Variants in RALGPS1 observed in about 807,000 individuals in gnomAD.
The protein encoded by RALGPS1 is Ral GEF with PH domain and SH3 binding motif 1.
In RALGPS1, 19 loss-of-function variants were observed where a neutral mutation model predicts 78.8. The observed-to-expected ratio is 0.24, with a 90% CI of 0.17 to 0.35. The LOEUF is 0.35. Among genes scored for constraint, RALGPS1 ranks in the 10% least tolerant of loss-of-function variants. RALGPS1 has a pLI of 1.00. For missense variants in RALGPS1, 454 were observed against 688.3 expected, an observed-to-expected ratio of 0.66 and a Z score of 3.81; for synonymous variants, 228 against 256.3, an observed-to-expected ratio of 0.89 and a Z score of 1.06.
chr9:127,076,861 G>A (rs905110680), intron 8 of RALGPS1, among the ~76,000 whole-genome samples: 1 of 152,248 alleles, frequency 6.6e-6, no homozygotes, highest in Non-Finnish European at 1.5e-5. Context: ...CTGGAGGGAA[G>A]TAGAGTCCTG....
chr9:127,076,619 G>A (rs2050701311), intron 8 of RALGPS1, among the ~76,000 whole-genome samples: 1 of 152,106 alleles, frequency 6.6e-6, no homozygotes, highest in African/African-American at 2.4e-5. Context: ...TAAACTGTTG[G>A]ATATCTAAAA....
At chr9:127,186,843 G>A (rs1475914362) in intron 11 of RALGPS1, among the ~76,000 whole-genome samples, 3 of 152,198 alleles carry the variant, frequency 2.0e-5, no homozygotes, top group Non-Finnish European at 4.4e-5. Context: ...ATCCACAGCC[G>A]AAAGAAGAGG....
chr9:127,105,226 G>C (rs765362007), intron 8 of RALGPS1, among the ~76,000 whole-genome samples: 30 of 152,212 alleles, frequency 2.0e-4, no homozygotes, highest in Non-Finnish European at 4.0e-4. Context: ...TAACAAAGAA[G>C]GATAAATTCT....
At position 126,995,123 on chromosome 9, in the gene RALGPS1, T is replaced by C. The variant is rs368953090; in HGVS notation, c.216+17378T>C. Among the ~76,000 whole-genome samples the C allele has an allele frequency of 5.6e-3, 860 of 152,310 alleles. 29 individuals are homozygous for C. The East Asian group carries it at 0.082, about 14-fold the overall frequency. ...AAGGCTAGGAAGAAACTGCATCAAC[T>C]AATGAGCAAAATAACCAGCTAACAT... On this transcript the variant is annotated intron_variant, in intron 4 of 18. Transcript: ENST00000259351.
chr9:127,180,531 G>A (rs2060147091), intron 11 of RALGPS1, among the ~76,000 whole-genome samples: 2 of 152,240 alleles, frequency 1.3e-5, no homozygotes, highest in African/African-American at 4.8e-5. Context: ...AATAGGAATA[G>A]GAATCTTCAT....
chr9:127,178,050 G>A, intron 11 of RALGPS1: 4 of 1,468,896 alleles, frequency 2.7e-6, no homozygotes, highest in Non-Finnish European at 3.7e-6. Context: ...CCAGGGTCCT[G>A]GGGAGGGTGG....
At chr9:127,029,597 A>G (rs949811230) in intron 4 of RALGPS1, among the ~76,000 whole-genome samples, 2 of 152,208 alleles carry the variant, frequency 1.3e-5, no homozygotes, top group African/African-American at 2.4e-5. Flanking sequence ...CCTTGAGGCA[A>G]TGCGTTTTCC....
intron 14 of RALGPS1, chr9:127,210,833 T>C: frequency 1.4e-6 from 2 of 1,433,456 alleles, no homozygotes; most frequent in Non-Finnish European, 1.9e-6. Context: ...TATGTGGCCT[T>C]TTGGATGCCA....
At chr9:127,142,460 G>A (rs543303833) in intron 8 of RALGPS1, among the ~76,000 whole-genome samples, 2 of 152,318 alleles carry the variant, frequency 1.3e-5, no homozygotes, top group East Asian at 3.9e-4. Context: ...AGTTGGAGGG[G>A]TGGGCATGAT....
chr9:127,215,033 C>T (rs2062495823), intron 18 of RALGPS1, among the ~76,000 whole-genome samples, 191 bp downstream of exon 18: 1 of 152,210 alleles, frequency 6.6e-6, no homozygotes, highest in Non-Finnish European at 1.5e-5. Flanking sequence ...AGCCCAGCTC[C>T]AGACCAGAAC....
At position 127,067,084 on chromosome 9, in the gene RALGPS1, A is replaced by G. The variant is rs2049780296; in HGVS notation, c.484-2146A>G. On this transcript the variant is annotated intron_variant, in intron 7 of 18. Coordinates refer to ENST00000259351, the MANE Select transcript of RALGPS1 (RefSeq NM_014636.3). ...AGTTACTTAATACTTGTGATTATGA[A>G]CTGGAAATGGAGGTAAAAGTCCTTG... Among the ~76,000 whole-genome samples the G allele has an allele frequency of 1.3e-5, 2 of 152,202 alleles. 1 individual carries two copies. Among genetic ancestry groups the G allele is most frequent in the South Asian group, 4.1e-4 (2 of 4,834 alleles).
At chr9:126,921,299 T>C (rs2119673448) in intron 1 of RALGPS1, among the ~76,000 whole-genome samples, 1 of 152,350 alleles carries the variant, frequency 6.6e-6, no homozygotes, top group South Asian at 2.1e-4. Flanking sequence ...GTGGCTGATA[T>C]TATGGCTCCA....
Position 127,199,095 on chromosome 9 carries a change from C to G in RALGPS1, c.1247+29C>G, listed in dbSNP as rs781042898. ...AGTGTGGCCTCAGCATGGCCTCCCT[C>G]CCAGGGGCGGTGCTCAGGGCTGAGG... On this transcript the variant is annotated intron_variant, in intron 14 of 18. Coordinates refer to ENST00000259351, the MANE Select transcript of RALGPS1 (RefSeq NM_014636.3). 5.6e-6 allele frequency: 9 copies of G among 1,606,902 alleles called. No homozygotes were observed. In the South Asian group the frequency reaches 7.7e-5, roughly 14 times the overall value.
intron 8 of RALGPS1, among the ~76,000 whole-genome samples, chr9:127,071,035 C>CTA (rs1157387008): frequency 0.023 from 2,845 of 121,858 alleles, 46 homozygotes; most frequent in African/African-American, 0.049. Flanking sequence ...CTCTCTCTCT[C>CTA]TCTCTATATA....
chr9:127,164,423 T>G (rs2059182965), intron 8 of RALGPS1, among the ~76,000 whole-genome samples: 1 of 151,992 alleles, frequency 6.6e-6, no homozygotes, highest in South Asian at 2.1e-4. Flanking sequence ...TTGGTAGAGA[T>G]TGGCTTTCAC....
At chr9:127,093,037 C>T (rs762058535) in intron 8 of RALGPS1, among the ~76,000 whole-genome samples, 2 of 152,146 alleles carry the variant, frequency 1.3e-5, no homozygotes, top group Non-Finnish European at 2.9e-5. Context: ...AACAGAACCT[C>T]CCTCAGGAGG....
At chr9:127,095,284 G>C in intron 8 of RALGPS1, among the ~76,000 whole-genome samples, 1 of 152,136 alleles carries the variant, frequency 6.6e-6, no homozygotes, top group Non-Finnish European at 1.5e-5. Context: ...TGTGATCCCA[G>C]CTACCCGGGA....
At chr9:127,073,063 A>G (rs1005219346) in intron 8 of RALGPS1, among the ~76,000 whole-genome samples, 1 of 152,160 alleles carries the variant, frequency 6.6e-6, no homozygotes, top group Admixed American at 6.5e-5. Context: ...CACCTTGAGT[A>G]TTCATCATTT....
intron 14 of RALGPS1, among the ~76,000 whole-genome samples, chr9:127,209,213 GC>G (rs2062100324): frequency 6.6e-6 from 1 of 152,240 alleles, no homozygotes; most frequent in South Asian, 2.1e-4. Context: ...AAGAAGAGCA[GC>G]CCCGGAGGTA....
Sources: gnomAD v4.1 joint callset for allele counts (sites outside exome capture counted in the v4.1 genomes callset) on GRCh38, gnomAD v4.1.1 for gene constraint, MANE v1.5 for transcripts, NCBI Gene and HGNC (gene_info 2026-07-23, HGNC 2026-07-21) for gene names.